Variants in AGPS observed in about 807,000 individuals in gnomAD.
AGPS encodes alkylglycerone phosphate synthase, also known as alkyldihydroxyacetonephosphate synthase, peroxisomal.
A neutral mutation model predicts 90.7 loss-of-function variants in AGPS; 26 were observed. The observed-to-expected ratio is 0.29, with a 90% CI of 0.21 to 0.40. The LOEUF is 0.40. Ranked by LOEUF, AGPS falls within the 10% of genes least tolerant of loss-of-function variation. AGPS has a pLI of 1.00. For synonymous variants in AGPS, 294 were observed against 285.3 expected (o/e 1.03, Z -0.31); for missense variants, 540 against 816.1 (o/e 0.66, Z 4.12).
At chr2:177,407,064 G>T (rs1366978978) in intron 1 of AGPS, among the ~76,000 whole-genome samples, 5 of 152,192 alleles carry the variant, frequency 3.3e-5, no homozygotes, top group Admixed American at 3.3e-4. Context: ...AGACAGTCAT[G>T]GTTTAAATCC....
At chr2:177,410,771 C>T (rs1685597849) in intron 1 of AGPS, among the ~76,000 whole-genome samples, 1 of 152,092 alleles carries the variant, frequency 6.6e-6, no homozygotes, top group Admixed American at 6.5e-5. Flanking sequence ...ACCCGGGGCT[C>T]TGTGAGGGTG....
At chr2:177,514,479 A>G (rs1015452072) in intron 17 of AGPS, among the ~76,000 whole-genome samples, 20 of 152,194 alleles carry the variant, frequency 1.3e-4, no homozygotes, top group South Asian at 1.0e-3. Context: ...AGTATTAGTA[A>G]GGAAAATTTG....
chr2:177,471,928 T>A (rs1687635515), intron 10 of AGPS, among the ~76,000 whole-genome samples: 1 of 152,146 alleles, frequency 6.6e-6, no homozygotes, highest in Admixed American at 6.5e-5. Flanking sequence ...GTAGGCTAAT[T>A]TTCTCTTTTT....
chr2:177,512,429 T>C (rs987962263), intron 16 of AGPS, among the ~76,000 whole-genome samples: 1 of 152,194 alleles, frequency 6.6e-6, no homozygotes. Flanking sequence ...ATAAAAAATG[T>C]GACATGCTAA....
intron 11 of AGPS, among the ~76,000 whole-genome samples, chr2:177,487,065 A>G (rs1223626636): frequency 1.3e-5 from 2 of 151,998 alleles, no homozygotes; most frequent in Non-Finnish European, 2.9e-5. Flanking sequence ...AGTGTTAGAT[A>G]TAACGTGTTA....
intron 9 of AGPS, among the ~76,000 whole-genome samples, chr2:177,462,222 C>G (rs993653280): frequency 6.6e-6 from 1 of 151,514 alleles, no homozygotes; most frequent in African/African-American, 2.4e-5. Context: ...AACCCCGTCT[C>G]TACTAAAAAT....
chr2:177,446,530 TTGGGTGGGTGTGGGTACAGTAGTGGTA>T (rs1219840182), intron 8 of AGPS, among the ~76,000 whole-genome samples: 1 of 152,076 alleles, frequency 6.6e-6, no homozygotes, highest in Non-Finnish European at 1.5e-5. Flanking sequence ...TATTTGTATA[TTGGGTGGGTGTGGGTACAGTAGTGGTA>T]AAGGATCAAG....
intron 15 of AGPS, 40 bp from the exon 16 acceptor site, chr2:177,507,930 C>G: frequency 7.6e-7 from 1 of 1,317,912 alleles, no homozygotes; most frequent in Non-Finnish European, 1.1e-6. Context: ...TCTTCTGCAT[C>G]TGTTGTAGTT....
chr2:177,412,023 C>G (rs1685636273), intron 1 of AGPS, among the ~76,000 whole-genome samples: 1 of 152,100 alleles, frequency 6.6e-6, no homozygotes, highest in Non-Finnish European at 1.5e-5. Context: ...AGCTGTGTGG[C>G]TAAATTGGGA....
chr2:177,412,123 C>G (rs1035305713), intron 1 of AGPS, among the ~76,000 whole-genome samples: 4 of 152,080 alleles, frequency 2.6e-5, no homozygotes, highest in Admixed American at 2.6e-4. Context: ...GGAGATACAA[C>G]TTGCTCCAAT....
intron 10 of AGPS, among the ~76,000 whole-genome samples, chr2:177,481,842 CTAAT>C (rs1184380911): frequency 6.6e-6 from 1 of 151,862 alleles, no homozygotes; most frequent in Admixed American, 6.5e-5. Flanking sequence ...TTGTACATGA[CTAAT>C]TAAAGCGTAT....
intron 2 of AGPS, among the ~76,000 whole-genome samples, chr2:177,433,639 GA>G (rs1398358022): frequency 1.3e-5 from 2 of 152,126 alleles, no homozygotes. Context: ...TATGATGTAG[GA>G]GCTGTGGATT....
intron 13 of AGPS, among the ~76,000 whole-genome samples, 170 bp from the exon 14 acceptor site, chr2:177,499,448 A>G (rs1390907222): frequency 1.3e-5 from 2 of 151,936 alleles, no homozygotes; most frequent in African/African-American, 4.8e-5. Flanking sequence ...AATGACCTAA[A>G]TAGGTTTATT....
chr2:177,463,469 A>G (rs1406780179), intron 9 of AGPS, among the ~76,000 whole-genome samples: 1 of 152,176 alleles, frequency 6.6e-6, no homozygotes, highest in African/African-American at 2.4e-5. Context: ...GATGTTCCCA[A>G]CATTATTCCT....
rs1553509829 is a variant in AGPS at position 177,438,983 on chromosome 2, T to TACGCACACAC, written c.637+1931_637+1932insGCACACACAC. Reference sequence around the variant, plus strand: ...GGATGTGGCTGTCTCATTCTTGCAATACACACACACACACACACACAACTG... The same window carrying TACGCACACAC: ...GGATGTGGCTGTCTCATTCTTGCAATACGCACACACACACACACACACACACACACAACTG... On this transcript the variant is annotated intron_variant, in intron 5 of 19. Coordinates refer to ENST00000264167, the MANE Select transcript of AGPS (RefSeq NM_003659.4). 2.8e-3 allele frequency among the ~76,000 whole-genome samples: 414 copies of TACGCACACAC among 150,166 alleles called. 1 individual carries two copies. Among genetic ancestry groups the TACGCACACAC allele is most frequent in the Middle Eastern group, 0.01 (3 of 294 alleles).
chr2:177,498,796 T>C (rs529381413), intron 13 of AGPS, among the ~76,000 whole-genome samples: 8 of 151,982 alleles, frequency 5.3e-5, no homozygotes, highest in South Asian at 4.1e-4. Flanking sequence ...TCATATCTTA[T>C]ATACTTATCT....
At chr2:177,420,730 A>G (rs1044912500) in intron 2 of AGPS, among the ~76,000 whole-genome samples, 1 of 151,838 alleles carries the variant, frequency 6.6e-6, no homozygotes, top group Non-Finnish European at 1.5e-5. Flanking sequence ...CAGGATCCAA[A>G]TAATGTCTAT....
intron 2 of AGPS, among the ~76,000 whole-genome samples, chr2:177,430,908 A>C (rs1686223877): frequency 6.6e-6 from 1 of 152,162 alleles, no homozygotes; most frequent in Admixed American, 6.5e-5. Flanking sequence ...GTTAGTATAT[A>C]AATGAAAAAT....
In AGPS at chr2:177,529,297, C is replaced by G. The variant is rs568936050; in HGVS notation, c.1855+5492C>G. Among the ~76,000 whole-genome samples, 8 of 151,988 alleles carry G rather than the reference C, an allele frequency of 5.3e-5. No individual in the cohort carries two copies. In the South Asian group the frequency reaches 1.7e-3, roughly 32 times the overall value. ...TCTGCGCAACATAGCAAGACTCTAT[C>G]TCTACAAAAACTAAGAAAAAAAACT... is the stretch of plus-strand genomic sequence containing the variant. On this transcript the variant is annotated intron_variant, in intron 19 of 19. Transcript: ENST00000264167.
Sources: allele counts gnomAD v4.1 joint callset (sites outside exome capture counted in the v4.1 genomes callset), GRCh38; gene constraint gnomAD v4.1.1; transcripts MANE v1.5; gene names NCBI Gene and HGNC (gene_info 2026-07-23, HGNC 2026-07-21).